The following NELL2 variants were observed in gnomAD, a reference collection of about 807,000 sequenced individuals.
NELL2 encodes the protein neural EGFL like 2.
A neutral mutation model predicts 109.6 loss-of-function variants in NELL2; 41 were observed. The observed-to-expected ratio is 0.37, with a 90% CI of 0.29 to 0.49. The LOEUF (loss-of-function observed/expected upper bound fraction) is 0.49, where lower values mean the gene tolerates loss of function less well. Among genes scored for constraint, NELL2 ranks in the 20% least tolerant of loss-of-function variants. The pLI, the probability that NELL2 is intolerant of heterozygous loss-of-function variation, is 0.98. For missense variants in NELL2, 900 were observed against 1,008.3 expected, an observed-to-expected ratio of 0.89 and a Z score of 1.45; for synonymous variants, 355 against 344.7, an observed-to-expected ratio of 1.03 and a Z score of -0.33.
chr12:44,703,992 G>T, intron 11 of NELL2, 138 bp from the exon 12 acceptor site: 1 of 690,340 alleles, frequency 1.4e-6, no homozygotes, highest in Non-Finnish European at 2.3e-6. Flanking sequence ...AACATTTACA[G>T]AAGAATCACA....
At position 44,565,274 on chromosome 12, in the gene NELL2, A is replaced by T. The variant is rs189004607; in HGVS notation, c.1664-32553T>A. On this transcript the variant is annotated intron_variant, in intron 15 of 19. Coordinates refer to ENST00000429094, the MANE Select transcript of NELL2 (RefSeq NM_001145108.2). Reference sequence around the variant, plus strand: ...TCAACTCTAACAACGATCATATTTTATCTAATCTTACTAATTCACTCATTG... The same window carrying T: ...TCAACTCTAACAACGATCATATTTTTTCTAATCTTACTAATTCACTCATTG... Among the ~76,000 whole-genome samples, 20 of 152,262 alleles carry T rather than the reference A, an allele frequency of 1.3e-4. 1 individual carries two copies. The highest frequency in any genetic ancestry group is 1.2e-3 in the Admixed American group (18 of 15,282).
At chr12:44,680,830 TA>T (rs1408540303) in intron 12 of NELL2, among the ~76,000 whole-genome samples, 1 of 152,148 alleles carries the variant, frequency 6.6e-6, no homozygotes, top group Non-Finnish European at 1.5e-5. Flanking sequence ...TGTTGTCCCC[TA>T]AAAACTTATT....
intron 13 of NELL2, among the ~76,000 whole-genome samples, chr12:44,635,661 G>C (rs1946611755): frequency 6.6e-6 from 1 of 152,132 alleles, no homozygotes; most frequent in Non-Finnish European, 1.5e-5. Flanking sequence ...TTTGGTACCA[G>C]TACCATGCTG....
chr12:44,781,580 C>T (rs1292264260), intron 3 of NELL2, among the ~76,000 whole-genome samples: 1 of 151,992 alleles, frequency 6.6e-6, no homozygotes, highest in Non-Finnish European at 1.5e-5. Flanking sequence ...AAACAATTTT[C>T]AACTTCATAT....
chr12:44,669,135 T>C (rs546595871), intron 12 of NELL2, among the ~76,000 whole-genome samples: 3 of 152,342 alleles, frequency 2.0e-5, no homozygotes, highest in African/African-American at 4.8e-5. Context: ...ATACCAATGA[T>C]ACTAATTATA....
At chr12:44,716,193 T>C (rs1208745698) in intron 9 of NELL2, among the ~76,000 whole-genome samples, 1 of 152,194 alleles carries the variant, frequency 6.6e-6, no homozygotes. Context: ...ATTTTAAAGT[T>C]GCACATTTAA....
At chr12:44,678,749 G>A (rs1260416948) in intron 12 of NELL2, among the ~76,000 whole-genome samples, 1 of 152,052 alleles carries the variant, frequency 6.6e-6, no homozygotes, top group Non-Finnish European at 1.5e-5. Context: ...GAAGGGAGAG[G>A]TCGATAGAAT....
intron 9 of NELL2, among the ~76,000 whole-genome samples, chr12:44,726,127 T>A (rs1467535958): frequency 1.3e-5 from 2 of 151,946 alleles, no homozygotes; most frequent in Admixed American, 6.6e-5. Context: ...ATAAATAATT[T>A]AAAAAAATAA....
At chr12:44,547,012 C>A (rs1233341075) in intron 15 of NELL2, among the ~76,000 whole-genome samples, 1 of 151,894 alleles carries the variant, frequency 6.6e-6, no homozygotes, top group Non-Finnish European at 1.5e-5. Flanking sequence ...ACACACAAAC[C>A]TTTTTTTTAA....
chr12:44,629,849 G>C (rs1946388596), intron 13 of NELL2, among the ~76,000 whole-genome samples: 1 of 152,110 alleles, frequency 6.6e-6, no homozygotes, highest in Non-Finnish European at 1.5e-5. Context: ...AGAACCGTAA[G>C]TTCATAAAGG....
At chr12:44,656,500 G>A (rs1947505588) in intron 13 of NELL2, among the ~76,000 whole-genome samples, 1 of 152,128 alleles carries the variant, frequency 6.6e-6, no homozygotes, top group South Asian at 2.1e-4. Flanking sequence ...CTCAACATAA[G>A]AACTTGTCTA....
intron 15 of NELL2, among the ~76,000 whole-genome samples, chr12:44,533,605 A>C (rs2139013034): frequency 6.6e-6 from 1 of 152,256 alleles, no homozygotes; most frequent in South Asian, 2.1e-4. Flanking sequence ...CTTAAGTCTC[A>C]GATATTTCCT....
chr12:44,735,417 G>T (rs1385491556), intron 9 of NELL2, among the ~76,000 whole-genome samples: 1 of 151,802 alleles, frequency 6.6e-6, no homozygotes, highest in Non-Finnish European at 1.5e-5. Flanking sequence ...GAAATCCAAG[G>T]CTTGAGTCTC....
At chr12:44,778,549 C>T (rs929548198) in intron 5 of NELL2, among the ~76,000 whole-genome samples, 2 of 152,144 alleles carry the variant, frequency 1.3e-5, no homozygotes, top group Admixed American at 1.3e-4. Context: ...TGAGGCCACA[C>T]TTAGGCTCCA....
chr12:44,701,235 C>T (rs1190016436), intron 12 of NELL2, among the ~76,000 whole-genome samples: 1 of 151,714 alleles, frequency 6.6e-6, no homozygotes, highest in Non-Finnish European at 1.5e-5. Context: ...GAATAAATAA[C>T]AAAAGATATA....
intron 9 of NELL2, among the ~76,000 whole-genome samples, chr12:44,743,521 C>A (rs1238024660): frequency 1.3e-5 from 2 of 150,384 alleles, no homozygotes; most frequent in Non-Finnish European, 1.5e-5. Context: ...TGGATAGAGT[C>A]AAGACCCATC....
intron 5 of NELL2, among the ~76,000 whole-genome samples, chr12:44,778,670 C>T (rs1412080818): frequency 2.6e-5 from 4 of 152,118 alleles, no homozygotes; most frequent in African/African-American, 7.2e-5. Context: ...AGCATGGAAC[C>T]AATTTCCTAT....
intron 9 of NELL2, among the ~76,000 whole-genome samples, chr12:44,721,676 C>T (rs192261032): frequency 1.4e-4 from 21 of 151,714 alleles, no homozygotes; most frequent in African/African-American, 3.4e-4. Flanking sequence ...GTTATAGTGA[C>T]GAAGATATTG....
chr12:44,776,302 T>G (rs2136588920), intron 7 of NELL2, 152 bp from the exon 8 acceptor site: 1 of 676,766 alleles, frequency 1.5e-6, no homozygotes, highest in East Asian at 3.4e-5. Flanking sequence ...AAGACTTTAA[T>G]TTAATTTAAA....
Sources: allele counts gnomAD v4.1 joint callset (sites outside exome capture counted in the v4.1 genomes callset), GRCh38; gene constraint gnomAD v4.1.1; transcripts MANE v1.5; gene names NCBI Gene and HGNC (gene_info 2026-07-23, HGNC 2026-07-21).